The following FKBP14 variants were observed in gnomAD, a reference collection of about 807,000 sequenced individuals.
FKBP14 encodes the protein peptidyl-prolyl cis-trans isomerase FKBP14.
Under a neutral mutation model 21.6 loss-of-function variants are expected in FKBP14, and 20 were observed. The ratio of observed to expected loss-of-function variants is 0.92; its 90% CI spans 0.65 to 1.34. The LOEUF (loss-of-function observed/expected upper bound fraction) is 1.34, where lower values mean the gene tolerates loss of function less well. FKBP14 is among the 40% of genes most tolerant of loss of function. FKBP14 has a pLI of 0.00. For missense variants in FKBP14, 253 were observed against 249.0 expected (o/e 1.02, Z -0.11); for synonymous variants, 79 against 86.7 (o/e 0.91, Z 0.49).
rs1789707596 is a variant in FKBP14, at chr7:30,010,981, C to T, written c.*3754G>A. 6.6e-6 allele frequency: 1 copy of T among 151,950 alleles called. No homozygotes were observed. Among genetic ancestry groups the T allele is most frequent in the Non-Finnish European group, 1.5e-5 (1 of 67,976 alleles). 9.4% of individuals were successfully genotyped at this position (151,950 alleles called of 1,614,324 possible). On this transcript the variant is annotated 3_prime_UTR_variant, in exon 4 of 4. Coordinates refer to ENST00000222803, the MANE Select transcript of FKBP14 (RefSeq NM_017946.4). ...CCAAAAATTGTTTTTAAATAAGTTT[C>T]TAAACTAGAAAATTTACAGTAAGCT...
At chr7:30,021,649 A>G (rs1439303374) in intron 2 of FKBP14, among the ~76,000 whole-genome samples, 3 of 151,480 alleles carry the variant, frequency 2.0e-5, no homozygotes, top group African/African-American at 7.3e-5. Flanking sequence ...TCTGCCTCAC[A>G]TGTTCAAGCA....
At chr7:30,009,658 G>C (rs375718904), downstream of FKBP14, among the ~76,000 whole-genome samples, 1 of 151,980 alleles carries the variant, frequency 6.6e-6, no homozygotes, top group African/African-American at 2.4e-5. Flanking sequence ...CAGTTCAATG[G>C]GGAGAGATAG....
Position 30,026,477 on chromosome 7 carries a change from G to A in FKBP14, c.32C>T (p.Thr11Ile), listed in dbSNP as rs1235130674. The change falls in exon 1 of 4, where the codon ACT (threonine) becomes ATT (isoleucine). Residue 11 changes from threonine (T) to isoleucine (I), a missense_variant. By Grantham distance (89) the Thr-to-Ile change is moderately conservative. Coordinates refer to ENST00000222803, the MANE Select transcript of FKBP14 (RefSeq NM_017946.4). ...CCCAATCAAAGAAGTGACGAACAGA[G>A]TCAAGACCGCGTTCCACAAGAAAAG... MRLFLWNAVLTLFVTSLIGAL... is the reference protein window; with the variant it reads MRLFLWNAVLILFVTSLIGAL... The A allele has an allele frequency of 1.9e-6, 3 of 1,613,090 alleles. No homozygotes were observed. The highest frequency in any genetic ancestry group is 2.5e-6 in the Non-Finnish European group (3 of 1,179,688).
At chr7:30,025,616 T>C (rs1012251788) in intron 1 of FKBP14, 1 of 152,226 alleles carries the variant, frequency 6.6e-6, no homozygotes, top group Non-Finnish European at 1.5e-5. Context: ...CGATGCCTAA[T>C]TGAAAATCAT....
rs1036285494 is a variant in FKBP14, at chr7:30,014,021, G to A, written c.*714C>T. The A allele has an allele frequency of 6.6e-6, 1 of 152,102 alleles. No homozygotes were observed. Among genetic ancestry groups the A allele is most frequent in the African/African-American group, 2.4e-5 (1 of 41,502 alleles). 9.4% of individuals were successfully genotyped at this position (152,102 alleles called of 1,614,324 possible). The stretch of plus-strand genomic sequence containing the variant: ...TGGGATTACAGGCACGCATCACCAC[G>A]CCCGGCTACTTTTGTATTTTTAGTA... On this transcript the variant is annotated 3_prime_UTR_variant, in exon 4 of 4. Coordinates refer to ENST00000222803, the MANE Select transcript of FKBP14 (RefSeq NM_017946.4).
chr7:30,021,712 C>T (rs1266198995), intron 2 of FKBP14, among the ~76,000 whole-genome samples: 1 of 152,084 alleles, frequency 6.6e-6, no homozygotes, highest in Non-Finnish European at 1.5e-5. Context: ...CACTCCACTA[C>T]GTTCAGCTAA....
chr7:30,020,725 C>T lies in FKBP14; in HGVS notation c.350-1602G>A, dbSNP rs368362703. Among the ~76,000 whole-genome samples the T allele has an allele frequency of 2.6e-5, 4 of 152,096 alleles. No individual in the cohort carries two copies. The South Asian group carries it at 8.3e-4, about 32-fold the overall frequency. ...TGCAGTTGACCACAGGTAACTAAAA[C>T]GGTAGAAAGTGAAACCACAGGTAAA... On this transcript the variant is annotated intron_variant, in intron 2 of 3. Coordinates refer to ENST00000222803, the MANE Select transcript of FKBP14 (RefSeq NM_017946.4).
At chr7:30,017,684 C>CA (rs1247058358) in intron 3 of FKBP14, among the ~76,000 whole-genome samples, 1 of 152,074 alleles carries the variant, frequency 6.6e-6, no homozygotes, top group Non-Finnish European at 1.5e-5. Flanking sequence ...GGTAGGATTA[C>CA]AAGTGTGAGC....
chr7:30,018,886 T>C lies in FKBP14; in HGVS notation c.477+110A>G, dbSNP rs1027377366. On this transcript the variant is annotated intron_variant, in intron 3 of 3. Transcript: ENST00000222803. ...AAATGTTACCTAAATAAAAGTAGAT[T>C]TGAAATATACACATATTCATTTAAA... 113 of 1,104,498 alleles carry C rather than the reference T, an allele frequency of 1.0e-4. 2 individuals carry two copies. Among genetic ancestry groups the C allele is most frequent in the Admixed American group, 2.3e-4 (8 of 34,356 alleles). The allele number at this position is 1,104,498 out of a possible 1,614,324, so 68.4% of individuals were successfully genotyped here.
Position 30,014,902 on chromosome 7 carries a change from TAAC to T in FKBP14, c.478-12_478-10del. 1 of 1,562,178 alleles carries T rather than the reference TAAC, an allele frequency of 6.4e-7. No individual in the cohort carries two copies. Among genetic ancestry groups the T allele is most frequent in the East Asian group, 2.3e-5 (1 of 43,838 alleles). ...TTTAAATATGCTTTAACCTACAAAA[TAAC>T]AGATCCCATTAATAACTTGGATTCA... On this transcript the variant is annotated splice_polypyrimidine_tract_variant and intron_variant, in intron 3 of 3. Coordinates refer to ENST00000222803, the MANE Select transcript of FKBP14 (RefSeq NM_017946.4).
Position 30,012,338 on chromosome 7 carries a change from A to G in FKBP14, c.*2397T>C, listed in dbSNP as rs1448184844. On this transcript the variant is annotated 3_prime_UTR_variant, in exon 4 of 4. Transcript: ENST00000222803. ...ACAGGTTTTTAAAAATGCTGCCTGAATAATCAAAACTCTTTTTACTTTTCT... is the reference window on the plus strand; with the variant it reads ...ACAGGTTTTTAAAAATGCTGCCTGAGTAATCAAAACTCTTTTTACTTTTCT... 3 of 152,270 alleles carry G rather than the reference A, an allele frequency of 2.0e-5. No homozygotes were observed. Among genetic ancestry groups the G allele is most frequent in the African/African-American group, 7.2e-5 (3 of 41,474 alleles). The allele number at this position is 152,270 out of a possible 1,614,324, so 9.4% of individuals were successfully genotyped here. A position where few individuals can be genotyped will look rare whatever the true frequency, so the allele number is the denominator to read the frequency against.
At chr7:30,025,992 T>C (rs1388294074) in intron 1 of FKBP14, among the ~76,000 whole-genome samples, 9 of 152,344 alleles carry the variant, frequency 5.9e-5, no homozygotes, top group Non-Finnish European at 7.4e-5. Context: ...ATATGAGAAT[T>C]CTTTTGGGCT....
chr7:30,011,985 T>C lies in FKBP14; in HGVS notation c.*2750A>G, dbSNP rs1303754919. On this transcript the variant is annotated 3_prime_UTR_variant, in exon 4 of 4. Transcript: ENST00000222803. Reference sequence around the variant, plus strand: ...GCCTACATGATTCAGAACAGCAACATGCTGTAGCCTAGGAGCAATAGGCTA... The same window carrying C: ...GCCTACATGATTCAGAACAGCAACACGCTGTAGCCTAGGAGCAATAGGCTA... 3 of 152,228 alleles carry C rather than the reference T, an allele frequency of 2.0e-5. No individual in the cohort carries two copies. The highest frequency in any genetic ancestry group is 7.2e-5 in the African/African-American group (3 of 41,456). 9.4% of individuals were successfully genotyped at this position (152,228 alleles called of 1,614,324 possible).
intron 3 of FKBP14, among the ~76,000 whole-genome samples, chr7:30,016,805 C>T (rs1009355068): frequency 6.6e-6 from 1 of 152,146 alleles, no homozygotes; most frequent in Non-Finnish European, 1.5e-5. Context: ...TATATCACCT[C>T]TCTTCCTTCT....
Position 30,013,658 on chromosome 7 carries a change from A to C in FKBP14, c.*1077T>G, listed in dbSNP as rs1183831197. The C allele has an allele frequency of 2.0e-5, 3 of 152,230 alleles. No homozygotes were observed. Among genetic ancestry groups the C allele is most frequent in the African/African-American group, 7.2e-5 (3 of 41,466 alleles). The allele number at this position is 152,230 out of a possible 1,614,324, so 9.4% of individuals were successfully genotyped here. A position where few individuals can be genotyped will look rare whatever the true frequency, so the allele number is the denominator to read the frequency against. ...ATATACTATAGACTACCCATTAAAG[A>C]ACCAGGAAGGATATTCCGCTAGCCT... On this transcript the variant is annotated 3_prime_UTR_variant, in exon 4 of 4. Transcript: ENST00000222803.
chr7:30,020,102 G>T, intron 2 of FKBP14: 1 of 405,750 alleles, frequency 2.5e-6, no homozygotes, highest in Non-Finnish European at 3.8e-6. Context: ...ATACAGGTCT[G>T]TGTAAACATG....
chr7:30,014,642 C>A lies in FKBP14; in HGVS notation c.*93G>T. Reference sequence around the variant, plus strand: ...AAATATATAAAAATAAAAAACAAAGCAAGAAAGAACATTGTATAAAAATAA... The same window carrying A: ...AAATATATAAAAATAAAAAACAAAGAAAGAAAGAACATTGTATAAAAATAA... On this transcript the variant is annotated 3_prime_UTR_variant, in exon 4 of 4. Transcript: ENST00000222803. The A allele has an allele frequency of 1.2e-6, 1 of 857,246 alleles. No individual in the cohort carries two copies. The highest frequency in any genetic ancestry group is 1.6e-6 in the Non-Finnish European group (1 of 635,392). The allele number at this position is 857,246 out of a possible 1,614,324, so 53.1% of individuals were successfully genotyped here.
At chr7:30,014,967 A>G (rs1244691340) in intron 3 of FKBP14, 74 bp from the exon 4 acceptor site, 1 of 919,676 alleles carries the variant, frequency 1.1e-6, no homozygotes, top group Non-Finnish European at 1.6e-6. Flanking sequence ...TATCACAGAC[A>G]TGGACTGTTA....
chr7:30,024,161 GTAC>G (rs1790110577), intron 1 of FKBP14, among the ~76,000 whole-genome samples: 1 of 152,150 alleles, frequency 6.6e-6, no homozygotes, highest in African/African-American at 2.4e-5. Flanking sequence ...CGCTTCATGA[GTAC>G]CATGGTTACT....
Sources: allele counts gnomAD v4.1 joint callset (sites outside exome capture counted in the v4.1 genomes callset), GRCh38; gene constraint gnomAD v4.1.1; transcripts MANE v1.5; gene names NCBI Gene and HGNC (gene_info 2026-07-23, HGNC 2026-07-21).